Variants in ZNF518A observed in about 807,000 individuals in gnomAD.
ZNF518A encodes zinc finger protein 518A.
ZNF518A carries 47 observed loss-of-function variants against 102.7 expected under a neutral mutation model. That is an observed-to-expected ratio of 0.46 (90% CI 0.36 to 0.58). The LOEUF is 0.58. ZNF518A is among the 20% of genes least tolerant of loss of function. The pLI is 0.00. For synonymous variants in ZNF518A, 652 were observed against 594.6 expected, an observed-to-expected ratio of 1.10 and a Z score of -1.40; for missense variants, 1,793 against 1,699.8, an observed-to-expected ratio of 1.05 and a Z score of -0.96.
intron 2 of ZNF518A, 36 bp from the exon 3 acceptor site, chr10:96,133,546 CA>C (rs1554873100): frequency 6.6e-6 from 1 of 152,186 alleles, no homozygotes; most frequent in Non-Finnish European, 1.5e-5. Context: ...TTTCTACCCT[CA>C]AAACACAGAT....
In ZNF518A at chr10:96,200,034, TA is replaced by T; in HGVS notation, n.36-3536del. 1 of 1,287,054 alleles carries T rather than the reference TA, an allele frequency of 7.8e-7. No individual in the cohort carries two copies. The highest frequency in any genetic ancestry group is 1.0e-6 in the Non-Finnish European group (1 of 989,212). The allele number at this position is 1,287,054 out of a possible 1,614,324, so 79.7% of individuals were successfully genotyped here. On this transcript the variant is annotated intron_variant and non_coding_transcript_variant, in intron 1 of 2. Coordinates refer to the ZNF518A transcript ENST00000442635. This position sits in a 1 kb window ranked among gnomAD's most constrained non-coding sequence, Gnocchi z 4.3. ...ATCATCTCAAAACAAATAAATAAAA[TA>T]AAATAAAATAAAAATAATAAATAAT...
rs189445154 is a variant in ZNF518A at position 96,130,376 on chromosome 10, T to C, written c.-829T>C. 1.3e-5 allele frequency among the ~76,000 whole-genome samples: 2 copies of C among 152,232 alleles called. No individual in the cohort carries two copies. The highest frequency in any genetic ancestry group is 2.9e-5 in the Non-Finnish European group (2 of 68,040). On this transcript the variant is annotated 5_prime_UTR_variant, in exon 1 of 6. Coordinates refer to ENST00000316045, the MANE Select transcript of ZNF518A (RefSeq NM_001330736.2). Reference sequence around the variant, plus strand: ...GCCGACTGCTAGAGCTTACCCTTACTTTCTTAACCTGGGGTTGTTTTACTT... The same window carrying C: ...GCCGACTGCTAGAGCTTACCCTTACCTTCTTAACCTGGGGTTGTTTTACTT...
chr10:96,182,721 G>A (rs182952792), intron 1 of ZNF518A, among the ~76,000 whole-genome samples: 7 of 152,226 alleles, frequency 4.6e-5, no homozygotes, highest in East Asian at 3.9e-4. Flanking sequence ...TGCTGGATTC[G>A]GTTTGCCAGT....
At chr10:96,150,144 G>A (rs1382658280) in intron 3 of ZNF518A, among the ~76,000 whole-genome samples, 2 of 145,608 alleles carry the variant, frequency 1.4e-5, no homozygotes, top group East Asian at 4.0e-4. Flanking sequence ...CTAACACAGT[G>A]AAACCCCGTC....
At position 96,200,414 on chromosome 10, in the gene ZNF518A, C is replaced by T. The variant is rs1473711664; in HGVS notation, n.36-3160C>T. Reference sequence around the variant, plus strand: ...TCTTTCTCCTAAATAAGTAATAATCCCCCTTTCCATTGTGCTCTTATTGCT... The same window carrying T: ...TCTTTCTCCTAAATAAGTAATAATCTCCCTTTCCATTGTGCTCTTATTGCT... On this transcript the variant is annotated intron_variant and non_coding_transcript_variant, in intron 1 of 2. Transcript: ENST00000442635. This position sits in a 1 kb window ranked among gnomAD's most constrained non-coding sequence, Gnocchi z 4.3. Among the ~76,000 whole-genome samples the T allele has an allele frequency of 1.3e-5, 2 of 151,960 alleles. No homozygotes were observed. Among genetic ancestry groups the T allele is most frequent in the African/African-American group, 4.8e-5 (2 of 41,346 alleles).
At chr10:96,173,162 G>A (rs2083183275) in intron 1 of ZNF518A, among the ~76,000 whole-genome samples, 1 of 152,136 alleles carries the variant, frequency 6.6e-6, no homozygotes, top group East Asian at 1.9e-4. Context: ...TAAGGGATTT[G>A]AACATCCATA....
intron 1 of ZNF518A, among the ~76,000 whole-genome samples, chr10:96,175,885 T>TCCTCCCTC (rs2083201231): frequency 9.4e-5 from 5 of 53,342 alleles, no homozygotes; most frequent in Admixed American, 2.3e-4. Context: ...CTCCCTTCCT[T>TCCTCCCTC]CCTTCCTTCC....
chr10:96,202,024 C>T (rs587725977), intron 1 of ZNF518A, among the ~76,000 whole-genome samples: 1 of 151,912 alleles, frequency 6.6e-6, no homozygotes, highest in Non-Finnish European at 1.5e-5. Flanking sequence ...AAGAATGTCC[C>T]GGGTAGAGGG....
intron 3 of ZNF518A, among the ~76,000 whole-genome samples, chr10:96,150,226 C>T (rs988309796): frequency 3.3e-5 from 5 of 150,168 alleles, no homozygotes; most frequent in African/African-American, 1.2e-4. Context: ...CCCAGCTATT[C>T]GGGAGGCTGA....
chr10:96,183,736 A>G (rs778062334), intron 1 of ZNF518A, among the ~76,000 whole-genome samples: 2 of 152,174 alleles, frequency 1.3e-5, no homozygotes, highest in Non-Finnish European at 2.9e-5. Context: ...ACTTCCAACT[A>G]TGTGGTCAAT....
Position 96,158,703 on chromosome 10 carries a change from A to C in ZNF518A, c.2381A>C (p.Lys794Thr). 1 of 1,613,428 alleles carries C rather than the reference A, an allele frequency of 6.2e-7. No individual in the cohort carries two copies. The highest frequency in any genetic ancestry group is 8.5e-7 in the Non-Finnish European group (1 of 1,179,636). Residue 794 changes from lysine to threonine, a missense_variant, in exon 6 of 6, where the codon AAA becomes ACA. Physicochemically the swap from Lys to Thr is moderately conservative, Grantham distance 78. Coordinates refer to ENST00000316045, the MANE Select transcript of ZNF518A (RefSeq NM_001330736.2). The part of the protein sequence containing the change: ...NQLLQDVLKI[K>T]PDVKQDSSNT... ...TTGCTTCAGGATGTATTGAAAATAA[A>C]ACCTGATGTAAAACAAGACTCTAGT...
chr10:96,167,088 A>G (rs1429186991), downstream of ZNF518A, among the ~76,000 whole-genome samples: 10 of 152,348 alleles, frequency 6.6e-5, no homozygotes, highest in South Asian at 8.3e-4. Flanking sequence ...TATGTGTCCT[A>G]TATGACAGAG....
intron 3 of ZNF518A, among the ~76,000 whole-genome samples, chr10:96,154,417 C>A (rs1232544943): frequency 1.3e-5 from 2 of 151,354 alleles, no homozygotes; most frequent in Non-Finnish European, 2.9e-5. Context: ...CTCCTCCCTC[C>A]CTCCCTCCTT....
chr10:96,156,138 C>T (rs1230258454), intron 5 of ZNF518A, 59 bp from the exon 6 acceptor site: 4 of 437,942 alleles, frequency 9.1e-6, no homozygotes, highest in Middle Eastern at 6.1e-4. Context: ...AATGAACTTA[C>T]AGATACGAAT....
intron 3 of ZNF518A, among the ~76,000 whole-genome samples, chr10:96,142,644 T>C (rs1000186040): frequency 1.3e-5 from 2 of 152,086 alleles, no homozygotes; most frequent in Admixed American, 6.6e-5. Flanking sequence ...TTCTTCCTTT[T>C]TAGACTCTGT....
intron 1 of ZNF518A, chr10:96,197,084 A>G: frequency 6.3e-7 from 1 of 1,595,878 alleles, no homozygotes; most frequent in Non-Finnish European, 8.6e-7. Context: ...TTTTTTAAAA[A>G]ACATAATTAT....
At chr10:96,175,171 C>A (rs2083195783) in intron 1 of ZNF518A, among the ~76,000 whole-genome samples, 1 of 152,184 alleles carries the variant, frequency 6.6e-6, no homozygotes, top group Non-Finnish European at 1.5e-5. Flanking sequence ...GAAATGTACA[C>A]TTCCCAGCTC....
chr10:96,157,805 T>G lies in ZNF518A; in HGVS notation c.1483T>G (p.Leu495Val). 6.2e-7 allele frequency: 1 copy of G among 1,613,866 alleles called. No individual in the cohort carries two copies. Among genetic ancestry groups the G allele is most frequent in the Admixed American group, 1.7e-5 (1 of 60,028 alleles). Residue 495 changes from leucine (L) to valine (V), a missense_variant, in exon 6 of 6, where the codon TTA becomes GTA. Leu to Val is a conservative substitution (Grantham distance 32). Coordinates refer to ENST00000316045, the MANE Select transcript of ZNF518A (RefSeq NM_001330736.2). ...CCAGACTTTGGACACTAATGGATTT[T>G]TAACAGGAGTAACAACTGAGTTAAA... ...QPQTLDTNGF[L>V]TGVTTELNDT...
chr10:96,204,036 A>G lies in ZNF518A; in HGVS notation n.207A>G, dbSNP rs781936696. On this transcript the variant is annotated non_coding_transcript_exon_variant, in exon 3 of 3. Coordinates refer to the ZNF518A transcript ENST00000442635. ...AGCCTCGACCACTCCCTGATACACTACATGGCTTCGTTGTACTTACTTGGC... is the reference window on the plus strand; with the variant it reads ...AGCCTCGACCACTCCCTGATACACTGCATGGCTTCGTTGTACTTACTTGGC... 5 of 1,607,822 alleles carry G rather than the reference A, an allele frequency of 3.1e-6. No homozygotes were observed. The South Asian group carries it at 5.5e-5, about 18-fold the overall frequency.
Sources: allele counts gnomAD v4.1 joint callset (sites outside exome capture counted in the v4.1 genomes callset), GRCh38; gene constraint gnomAD v4.1.1; non-coding constraint Gnocchi (gnomAD v3.1); transcripts MANE v1.5; gene names NCBI Gene and HGNC (gene_info 2026-07-23, HGNC 2026-07-21).